The following SLIT3 variants were observed in gnomAD, a reference collection of about 807,000 sequenced individuals.
SLIT3 encodes slit homolog 3 protein.
SLIT3 carries 68 observed loss-of-function variants against 184.0 expected under a neutral mutation model. That is an observed-to-expected ratio of 0.37 (90% CI 0.30 to 0.45). SLIT3 has a LOEUF of 0.45. SLIT3 is among the 20% of genes least tolerant of loss of function. The probability of loss-of-function intolerance (pLI) is 1.00; values close to 1 mark genes in which losing one functional copy is unlikely to be tolerated. For missense variants in SLIT3, 1,707 were observed against 2,026.0 expected, an observed-to-expected ratio of 0.84 and a Z score of 3.02; for synonymous variants, 831 against 828.6, an observed-to-expected ratio of 1.00 and a Z score of -0.05.
chr5:169,215,439 T>C (rs1420299097), intron 3 of SLIT3, among the ~76,000 whole-genome samples: 1 of 152,124 alleles, frequency 6.6e-6, no homozygotes, highest in African/African-American at 2.4e-5. Flanking sequence ...CATCACAGAG[T>C]GAATGAAGGC....
chr5:168,900,364 C>T (rs1460724298), intron 4 of SLIT3, among the ~76,000 whole-genome samples: 1 of 152,130 alleles, frequency 6.6e-6, no homozygotes, highest in Non-Finnish European at 1.5e-5. Flanking sequence ...CCTGTAATCC[C>T]AGCACTTTGG....
At chr5:168,989,484 G>C (rs1257318514) in intron 4 of SLIT3, among the ~76,000 whole-genome samples, 1 of 152,214 alleles carries the variant, frequency 6.6e-6, no homozygotes, top group Non-Finnish European at 1.5e-5. Context: ...TTGGGGTAAG[G>C]AGGAGAGCCC....
intron 4 of SLIT3, chr5:169,018,787 A>G (rs1376672750): frequency 3.9e-5 from 6 of 152,196 alleles, no homozygotes. Context: ...ATGACTGGCT[A>G]TTTCTAGGGA....
At chr5:168,897,611 T>C (rs1210331260) in intron 4 of SLIT3, among the ~76,000 whole-genome samples, 1 of 118,880 alleles carries the variant, frequency 8.4e-6, no homozygotes, top group Admixed American at 9.5e-5. Flanking sequence ...GATACGGATG[T>C]GAGGCAAAGA....
intron 5 of SLIT3, among the ~76,000 whole-genome samples, chr5:168,870,568 C>T (rs1759477727): frequency 6.6e-6 from 1 of 152,208 alleles, no homozygotes. Context: ...CTACCTGGTG[C>T]TGGCTTCTTG....
intron 3 of SLIT3, among the ~76,000 whole-genome samples, chr5:169,230,314 C>T (rs192010659): frequency 6.6e-6 from 1 of 152,184 alleles, no homozygotes; most frequent in Non-Finnish European, 1.5e-5. Flanking sequence ...CAGGTTTATC[C>T]TAACTCTAAA....
intron 4 of SLIT3, among the ~76,000 whole-genome samples, chr5:169,032,842 A>G (rs1757081982): frequency 6.6e-6 from 1 of 151,638 alleles, no homozygotes; most frequent in African/African-American, 2.4e-5. Flanking sequence ...ATGATATGGG[A>G]TACAAACACA....
chr5:169,230,231 G>A (rs571650929), intron 3 of SLIT3, among the ~76,000 whole-genome samples: 36 of 152,200 alleles, frequency 2.4e-4, no homozygotes, highest in Admixed American at 2.2e-3. Flanking sequence ...GATGTTACTC[G>A]CAGCTGCTAA....
At chr5:168,732,201 A>G (rs935149561) in intron 20 of SLIT3, among the ~76,000 whole-genome samples, 4 of 151,974 alleles carry the variant, frequency 2.6e-5, no homozygotes, top group African/African-American at 9.7e-5. Context: ...TACAATAGCT[A>G]AGACAAGGAC....
rs59573859 is a variant in SLIT3, at chr5:168,884,427, T to TCACACACACA, written c.414-1101_414-1092dup. The stretch of plus-strand genomic sequence containing the variant: ...TAAAAGGTGTCTCTCTCTCTCTCTC[T>TCACACACACA]CACACACACACACACACAGTGCTAT... On this transcript the variant is annotated intron_variant, in intron 4 of 35. Coordinates refer to ENST00000519560, the MANE Select transcript of SLIT3 (RefSeq NM_003062.4). Among the ~76,000 whole-genome samples, 113 of 144,328 alleles carry TCACACACACA rather than the reference T, an allele frequency of 7.8e-4. 1 individual carries two copies. The highest frequency in any genetic ancestry group is 7.0e-3 in the East Asian group (34 of 4,882). The allele number at this position is 144,328 out of a possible 152,430, so 94.7% of individuals were successfully genotyped here.
At chr5:168,918,508 G>C (rs900652345) in intron 4 of SLIT3, among the ~76,000 whole-genome samples, 3 of 152,224 alleles carry the variant, frequency 2.0e-5, no homozygotes, top group African/African-American at 7.2e-5. Flanking sequence ...GTGAGGGTTT[G>C]AGAAGACATT....
chr5:169,103,570 T>C (rs563988076), intron 4 of SLIT3, among the ~76,000 whole-genome samples: 5 of 152,350 alleles, frequency 3.3e-5, no homozygotes, highest in Non-Finnish European at 7.3e-5. Context: ...TATTTCTCTT[T>C]GCAAAATGCA....
intron 1 of SLIT3, among the ~76,000 whole-genome samples, chr5:169,296,086 A>T (rs1026453989): frequency 6.6e-6 from 1 of 152,182 alleles, no homozygotes; most frequent in African/African-American, 2.4e-5. Flanking sequence ...ATAAAATCCA[A>T]ATTTTAGATA....
intron 4 of SLIT3, among the ~76,000 whole-genome samples, chr5:168,995,306 G>A (rs2113401090): frequency 6.6e-6 from 1 of 152,350 alleles, no homozygotes; most frequent in East Asian, 1.9e-4. Context: ...GTGTGGAGTA[G>A]AACAGGGAAG....
intron 1 of SLIT3, among the ~76,000 whole-genome samples, chr5:169,293,395 C>T (rs552723299): frequency 6.6e-5 from 10 of 152,150 alleles, no homozygotes; most frequent in Admixed American, 5.2e-4. Context: ...GGAAGACCAA[C>T]CTTCGTGTGG....
intron 32 of SLIT3, among the ~76,000 whole-genome samples, chr5:168,678,010 G>A (rs1761465821): frequency 6.6e-6 from 1 of 152,122 alleles, no homozygotes; most frequent in South Asian, 2.1e-4. Context: ...TTCTGAGGAG[G>A]GGACTCTTGT....
chr5:169,279,446 C>A (rs920668869), intron 1 of SLIT3, among the ~76,000 whole-genome samples: 2 of 152,100 alleles, frequency 1.3e-5, no homozygotes, highest in Non-Finnish European at 2.9e-5. Flanking sequence ...GAGTTAGGAA[C>A]TAGCTGAATC....
intron 14 of SLIT3, among the ~76,000 whole-genome samples, chr5:168,764,606 T>C (rs1240300301): frequency 6.6e-6 from 1 of 152,184 alleles, no homozygotes; most frequent in Non-Finnish European, 1.5e-5. Flanking sequence ...TTCTGTGATT[T>C]CCTTGTGGTA....
intron 5 of SLIT3, 119 bp downstream of exon 5, chr5:168,883,146 C>T: frequency 1.4e-6 from 1 of 717,116 alleles, no homozygotes; most frequent in Non-Finnish European, 2.5e-6. Context: ...TCAAGCACAG[C>T]CCTCAATTTC....
Sources: gnomAD v4.1 joint callset for allele counts (sites outside exome capture counted in the v4.1 genomes callset) on GRCh38, gnomAD v4.1.1 for gene constraint, MANE v1.5 for transcripts, NCBI Gene and HGNC (gene_info 2026-07-23, HGNC 2026-07-21) for gene names.